REXO5: variants seen among roughly 807,000 people sequenced by gnomAD.
REXO5 encodes the protein exonuclease NEF-sp.
Under a neutral mutation model 88.5 loss-of-function variants are expected in REXO5, and 48 were observed. That is an observed-to-expected ratio of 0.54 (90% CI 0.43 to 0.69). The LOEUF (loss-of-function observed/expected upper bound fraction) is 0.69. Among genes scored for constraint, REXO5 ranks in the 30% least tolerant of loss-of-function variants. The pLI, the probability that REXO5 is intolerant of heterozygous loss-of-function variation, is 0.00. For synonymous variants in REXO5, 311 were observed against 336.5 expected, an observed-to-expected ratio of 0.92 and a Z score of 0.83; for missense variants, 749 against 912.2, an observed-to-expected ratio of 0.82 and a Z score of 2.30.
chr16:20,816,304 A>G, intron 5 of REXO5, 92 bp downstream of exon 5: 1 of 1,097,804 alleles, frequency 9.1e-7, no homozygotes, highest in Non-Finnish European at 1.3e-6. Flanking sequence ...CTCAATTCTA[A>G]CTAGCTTAAG....
intron 13 of REXO5, 126 bp from the exon 14 acceptor site, chr16:20,839,629 C>T (rs1770479376): frequency 3.8e-6 from 2 of 521,074 alleles, no homozygotes; most frequent in Admixed American, 3.0e-5. Flanking sequence ...ACCTGGAAGT[C>T]AGCCCCATAT....
intron 13 of REXO5, 117 bp from the exon 14 acceptor site, chr16:20,839,638 A>G (rs1414449880): frequency 1.8e-6 from 1 of 570,042 alleles, no homozygotes; most frequent in Non-Finnish European, 3.0e-6. Flanking sequence ...TCAGCCCCAT[A>G]TTACCTTTCA....
intron 5 of REXO5, among the ~76,000 whole-genome samples, chr16:20,818,221 T>G (rs533592548): frequency 6.6e-6 from 1 of 152,314 alleles, no homozygotes; most frequent in East Asian, 1.9e-4. Flanking sequence ...TTATCTTACC[T>G]GATATATTAC....
At chr16:20,849,294 T>C in intron 19 of REXO5, 105 bp from the exon 20 acceptor site, 2 of 1,077,418 alleles carry the variant, frequency 1.9e-6, no homozygotes, top group South Asian at 2.9e-5. Context: ...CCTTGCCCCA[T>C]GGCACACACA....
intron 7 of REXO5, 71 bp downstream of exon 7, chr16:20,824,598 T>C: frequency 2.2e-6 from 2 of 900,382 alleles, no homozygotes; most frequent in South Asian, 2.8e-5. Flanking sequence ...ATTTCTTGAG[T>C]CTAATGCACT....
At chr16:20,811,665 T>C (rs1596565203) in intron 2 of REXO5, among the ~76,000 whole-genome samples, 2 of 152,316 alleles carry the variant, frequency 1.3e-5, no homozygotes, top group Non-Finnish European at 2.9e-5. Flanking sequence ...ATCTGTAAAA[T>C]GGGGATGATA....
chr16:20,814,293 G>A (rs1326735954), intron 3 of REXO5, among the ~76,000 whole-genome samples: 1 of 152,138 alleles, frequency 6.6e-6, no homozygotes, highest in East Asian at 1.9e-4. Context: ...CTGGAGTGCA[G>A]TGGCACGATC....
At chr16:20,807,238 A>G (rs2080899199) in intron 2 of REXO5, 147 bp downstream of exon 2, 1 of 883,404 alleles carries the variant, frequency 1.1e-6, no homozygotes, top group Non-Finnish European at 1.7e-6. Context: ...AATGGGAATG[A>G]GTGTAATACC....
chr16:20,806,923 C>A, intron 1 of REXO5, 29 bp from the exon 2 acceptor site: 1 of 1,559,720 alleles, frequency 6.4e-7, no homozygotes, highest in Non-Finnish European at 8.7e-7. Flanking sequence ...GCTGGAGTTT[C>A]CCCAGCTCTA....
intron 5 of REXO5, among the ~76,000 whole-genome samples, chr16:20,821,314 T>C (rs2081181411): frequency 6.6e-6 from 1 of 152,032 alleles, no homozygotes; most frequent in South Asian, 2.1e-4. Flanking sequence ...TGAGACGGAG[T>C]CTCGCTCTGC....
In REXO5 at chr16:20,844,738, C is replaced by A; in HGVS notation, c.1829C>A (p.Thr610Asn). The A allele has an allele frequency of 6.2e-7, 1 of 1,614,166 alleles. No individual in the cohort carries two copies. The highest frequency in any genetic ancestry group is 8.5e-7 in the Non-Finnish European group (1 of 1,180,008). ...GSIYLSGVSE[T>N]FKEQLLQEPR... ...ATATATCTGTCTGGAGTGAGTGAAA[C>A]CTTCAAAGAACAGCTATTGCAGGAG... The change falls in exon 17 of 20, where the codon ACC (threonine) becomes AAC (asparagine). Residue 610 changes from threonine (T) to asparagine (N), a missense_variant. By Grantham distance (65) the Thr-to-Asn change is moderately conservative. Transcript: ENST00000261377.
chr16:20,825,991 C>A, intron 8 of REXO5, 43 bp downstream of exon 8: 1 of 1,298,720 alleles, frequency 7.7e-7, no homozygotes, highest in Non-Finnish European at 1.1e-6. Flanking sequence ...AGCTATCGGG[C>A]TAGAATGGAA....
intron 13 of REXO5, among the ~76,000 whole-genome samples, chr16:20,835,733 T>G (rs143809093): frequency 6.6e-6 from 1 of 152,204 alleles, no homozygotes; most frequent in East Asian, 1.9e-4. Context: ...TAGAGCAGTT[T>G]TAGGTTCACA....
intron 8 of REXO5, 26 bp downstream of exon 8, chr16:20,825,974 T>C: frequency 6.2e-6 from 9 of 1,452,592 alleles, no homozygotes; most frequent in Non-Finnish European, 8.7e-6. Context: ...CCTGCAGCTC[T>C]TCTAAGAGCT....
intron 13 of REXO5, among the ~76,000 whole-genome samples, chr16:20,837,668 G>GT (rs1383502690): frequency 4.6e-5 from 7 of 151,564 alleles, no homozygotes; most frequent in African/African-American, 1.7e-4. Context: ...AGTTTAGACC[G>GT]TAATGTTAAC....
At chr16:20,815,589 C>T (rs1435856087) in intron 4 of REXO5, among the ~76,000 whole-genome samples, 1 of 151,986 alleles carries the variant, frequency 6.6e-6, no homozygotes, top group East Asian at 1.9e-4. Flanking sequence ...ATCAGGCTCT[C>T]TATTAACCAC....
chr16:20,817,153 A>G (rs983281654), intron 5 of REXO5, among the ~76,000 whole-genome samples: 4 of 152,198 alleles, frequency 2.6e-5, no homozygotes, highest in Non-Finnish European at 5.9e-5. Context: ...GAACATGAAA[A>G]AGTAGTGAGG....
chr16:20,809,344 A>T (rs1389040851), intron 2 of REXO5, among the ~76,000 whole-genome samples: 1 of 152,134 alleles, frequency 6.6e-6, no homozygotes, highest in African/African-American at 2.4e-5. Flanking sequence ...ATGACCATCT[A>T]CTCCTCAGAT....
In REXO5 at chr16:20,828,554, A is replaced by C. The variant is rs1235624881; in HGVS notation, c.1158+17A>C. Reference sequence around the variant, plus strand: ...CCAAAAAAGGTTAGTATCTTTGCCCAGTGTGTTCACCTTTTCTTAAAATCA... The same window carrying C: ...CCAAAAAAGGTTAGTATCTTTGCCCCGTGTGTTCACCTTTTCTTAAAATCA... On this transcript the variant is annotated intron_variant, in intron 11 of 19. Coordinates refer to ENST00000261377, the MANE Select transcript of REXO5 (RefSeq NM_030941.3). The C allele has an allele frequency of 7.3e-6, 11 of 1,514,398 alleles. No individual in the cohort carries two copies. Among genetic ancestry groups the C allele is most frequent in the Non-Finnish European group, 1.0e-5 (11 of 1,089,608 alleles). 93.8% of individuals were successfully genotyped at this position (1,514,398 alleles called of 1,614,324 possible).
Sources: gnomAD v4.1 joint callset for allele counts (sites outside exome capture counted in the v4.1 genomes callset) on GRCh38, gnomAD v4.1.1 for gene constraint, MANE v1.5 for transcripts, NCBI Gene and HGNC (gene_info 2026-07-23, HGNC 2026-07-21) for gene names.